RGL1: variants seen among roughly 807,000 people sequenced by gnomAD.
RGL1 encodes the protein ral guanine nucleotide dissociation stimulator-like 1.
A neutral mutation model predicts 95.2 loss-of-function variants in RGL1; 24 were observed. The ratio of observed to expected loss-of-function variants is 0.25; its 90% CI spans 0.18 to 0.35. The LOEUF (loss-of-function observed/expected upper bound fraction) is 0.35. RGL1 is among the 10% of genes least tolerant of loss of function. RGL1 has a pLI of 1.00. For synonymous variants in RGL1, 329 were observed against 344.9 expected (o/e 0.95, Z 0.51); for missense variants, 715 against 936.3 (o/e 0.76, Z 3.08).
At chr1:183,861,189 T>C (rs1358788140) in intron 3 of RGL1, among the ~76,000 whole-genome samples, 1 of 152,164 alleles carries the variant, frequency 6.6e-6, no homozygotes, top group Non-Finnish European at 1.5e-5. Flanking sequence ...TTCTCAATAA[T>C]TATTAACTGC....
At chr1:183,669,920 C>T (rs1268373696) in intron 1 of RGL1, among the ~76,000 whole-genome samples, 1 of 152,122 alleles carries the variant, frequency 6.6e-6, no homozygotes, top group Non-Finnish European at 1.5e-5. Flanking sequence ...GTCATGAGAA[C>T]AGCAGCATGG....
chr1:183,772,161 G>A (rs1248861281), intron 2 of RGL1, among the ~76,000 whole-genome samples: 1 of 152,218 alleles, frequency 6.6e-6, no homozygotes, highest in Non-Finnish European at 1.5e-5. Context: ...ATTCTTCCAA[G>A]GCAGGAACCT....
chr1:183,877,110 G>A (rs1417354645), intron 4 of RGL1, among the ~76,000 whole-genome samples: 1 of 152,154 alleles, frequency 6.6e-6, no homozygotes, highest in Non-Finnish European at 1.5e-5. Flanking sequence ...TTAGTTCCCC[G>A]GTGGGACAGC....
intron 2 of RGL1, among the ~76,000 whole-genome samples, chr1:183,796,190 G>C (rs1295689448): frequency 6.8e-6 from 1 of 146,808 alleles, no homozygotes; most frequent in Admixed American, 6.8e-5. Flanking sequence ...TTTTGAGATG[G>C]AGTCTCGCTC....
chr1:183,728,262 G>A (rs1384011855), intron 1 of RGL1, among the ~76,000 whole-genome samples: 1 of 152,096 alleles, frequency 6.6e-6, no homozygotes, highest in African/African-American at 2.4e-5. Flanking sequence ...CTGGTTCTTA[G>A]GTGTAAGGAC....
At position 183,838,392 on chromosome 1, in the gene RGL1, G is replaced by A. The variant is rs115909067; in HGVS notation, c.139-9174G>A. Among the ~76,000 whole-genome samples the A allele has an allele frequency of 6.9e-3, 1,045 of 152,270 alleles. 12 individuals carry two copies. Among genetic ancestry groups the A allele is most frequent in the African/African-American group, 0.022 (927 of 41,556 alleles). ...CTGAGACAGGATGGCAAAGGGGGAT[G>A]GGATTTCTGTGTGATAAAACACTAG... On this transcript the variant is annotated intron_variant, in intron 2 of 17. Transcript: ENST00000360851.
chr1:183,790,244 T>C (rs528759764), intron 2 of RGL1, among the ~76,000 whole-genome samples: 4 of 152,184 alleles, frequency 2.6e-5, no homozygotes, highest in South Asian at 4.2e-4. Flanking sequence ...TTTTTCTATC[T>C]TGATGCTCCA....
intron 2 of RGL1, among the ~76,000 whole-genome samples, chr1:183,771,037 A>T (rs1029121645): frequency 6.6e-6 from 1 of 152,162 alleles, no homozygotes; most frequent in African/African-American, 2.4e-5. Context: ...CTGGGTTATA[A>T]ACCTTACCTT....
At chr1:183,661,500 T>G (rs1442861790) in intron 1 of RGL1, among the ~76,000 whole-genome samples, 1 of 152,118 alleles carries the variant, frequency 6.6e-6, no homozygotes, top group Non-Finnish European at 1.5e-5. Context: ...TTCCCAAGAC[T>G]AAACCAGGAA....
At chr1:183,657,688 C>T (rs538402106) in intron 1 of RGL1, among the ~76,000 whole-genome samples, 7 of 150,688 alleles carry the variant, frequency 4.6e-5, no homozygotes, top group Non-Finnish European at 7.4e-5. Context: ...TCCAGTCTAT[C>T]GTTGTTGGAC....
intron 1 of RGL1, among the ~76,000 whole-genome samples, chr1:183,714,117 C>T (rs1029994265): frequency 6.6e-6 from 1 of 152,156 alleles, no homozygotes; most frequent in East Asian, 1.9e-4. Context: ...TCACGCTTTC[C>T]AAAAATATTT....
At chr1:183,873,567 A>C (rs1371075741) in intron 4 of RGL1, among the ~76,000 whole-genome samples, 1 of 152,192 alleles carries the variant, frequency 6.6e-6, no homozygotes, top group East Asian at 1.9e-4. Flanking sequence ...ATAGAAGAGC[A>C]TTGGGATCTC....
At chr1:183,794,019 G>C (rs1660566525) in intron 2 of RGL1, among the ~76,000 whole-genome samples, 1 of 151,264 alleles carries the variant, frequency 6.6e-6, no homozygotes. Context: ...ATCAACCTAA[G>C]TGTACATCAG....
intron 2 of RGL1, among the ~76,000 whole-genome samples, chr1:183,827,991 C>T (rs1276530611): frequency 6.6e-6 from 1 of 152,210 alleles, no homozygotes; most frequent in African/African-American, 2.4e-5. Flanking sequence ...TGTCCACTTG[C>T]AGAGACAGTG....
intron 2 of RGL1, among the ~76,000 whole-genome samples, chr1:183,780,246 A>G (rs986422138): frequency 2.6e-5 from 4 of 152,110 alleles, no homozygotes; most frequent in African/African-American, 9.7e-5. Context: ...TGTTACATCT[A>G]TTTTACTTTG....
chr1:183,692,908 C>T (rs536213477), intron 1 of RGL1, among the ~76,000 whole-genome samples: 10 of 151,508 alleles, frequency 6.6e-5, no homozygotes, highest in East Asian at 1.9e-4. Flanking sequence ...TTTAACTATA[C>T]GATAATTGTT....
rs11591089 is a variant in RGL1 at position 183,907,048 on chromosome 1, C to T, written c.1509C>T (p.Asp503=). The change falls in exon 14 of 18, where the codon GAC becomes GAT. Residue 503 remains aspartate (D), a synonymous_variant. Transcript: ENST00000360851. ...CATGTGAGATTGAAGCAGCTGCTGACGCCAGCACCACCTCGCCCAAGCCTC... is the reference window on the plus strand; with the variant it reads ...CATGTGAGATTGAAGCAGCTGCTGATGCCAGCACCACCTCGCCCAAGCCTC... ...ALSCEIEAAA[D]ASTTSPKPRK... is the part of the protein sequence containing the mutation. 0.29 allele frequency: 468,987 copies of T among 1,607,620 alleles called. 71,214 individuals carry two copies. Among genetic ancestry groups the T allele is most frequent in the Non-Finnish European group, 0.3 (358,053 of 1,175,082 alleles).
chr1:183,848,241 C>G (rs775654674), intron 3 of RGL1, among the ~76,000 whole-genome samples: 5 of 152,176 alleles, frequency 3.3e-5, no homozygotes, highest in Non-Finnish European at 5.9e-5. Context: ...TAACTATTAA[C>G]AGTCAGCATG....
intron 1 of RGL1, among the ~76,000 whole-genome samples, chr1:183,720,442 A>C (rs1655955825): frequency 6.6e-6 from 1 of 152,094 alleles, no homozygotes; most frequent in Non-Finnish European, 1.5e-5. Flanking sequence ...TTTCATTCCC[A>C]CTGGTCCAAA....
Sources: gnomAD v4.1 joint callset for allele counts (sites outside exome capture counted in the v4.1 genomes callset) on GRCh38, gnomAD v4.1.1 for gene constraint, MANE v1.5 for transcripts, NCBI Gene and HGNC (gene_info 2026-07-23, HGNC 2026-07-21) for gene names.